Variants in PKD1L3 observed in about 807,000 individuals in gnomAD.
The protein encoded by PKD1L3 is polycystin-1-like protein 3.
A neutral mutation model predicts 184.1 loss-of-function variants in PKD1L3; 239 were observed. That is an observed-to-expected ratio of 1.30 (90% CI 1.17 to 1.45). The LOEUF (loss-of-function observed/expected upper bound fraction) is 1.45, where lower values mean the gene tolerates loss of function less well. Among genes scored for constraint, PKD1L3 ranks in the 40% most tolerant of loss-of-function variants. The probability of loss-of-function intolerance (pLI) is 0.00; values close to 1 mark genes in which losing one functional copy is unlikely to be tolerated. For missense variants in PKD1L3, 2,660 were observed against 2,067.2 expected (o/e 1.29, Z -5.56); for synonymous variants, 996 against 778.8 (o/e 1.28, Z -4.64).
At chr16:71,991,153 ACAGACC>A (rs1229456555) in intron 3 of PKD1L3, 2 of 181,720 alleles carry the variant, frequency 1.1e-5, no homozygotes, top group Non-Finnish European at 2.4e-5. Context: ...GCAGTTCCTT[ACAGACC>A]CAGCATGCCT....
intron 26 of PKD1L3, among the ~76,000 whole-genome samples, 171 bp downstream of exon 26, chr16:71,935,187 T>C (rs2038130790): frequency 6.6e-6 from 1 of 152,270 alleles, no homozygotes; most frequent in African/African-American, 2.4e-5. Flanking sequence ...AGCAGTTAAA[T>C]GGCTTCTAGT....
At chr16:71,999,396 A>T (rs1215816622) in intron 1 of PKD1L3, among the ~76,000 whole-genome samples, 1 of 152,356 alleles carries the variant, frequency 6.6e-6, no homozygotes, top group East Asian at 1.9e-4. Flanking sequence ...TAGGAAAAAA[A>T]TGACCATCAA....
At position 71,949,907 on chromosome 16, in the gene PKD1L3, C is replaced by G; in HGVS notation, c.3494G>C (p.Ser1165Thr). 2 of 1,551,686 alleles carry G rather than the reference C, an allele frequency of 1.3e-6. No homozygotes were observed. The highest frequency in any genetic ancestry group is 1.7e-6 in the Non-Finnish European group (2 of 1,147,000). The change falls in exon 21 of 30, where the codon AGC becomes ACC. Residue 1165 changes from serine to threonine, a missense_variant. By Grantham distance (58) the Ser-to-Thr change is moderately conservative. Coordinates refer to ENST00000620267, the MANE Select transcript of PKD1L3 (RefSeq NM_181536.2). ...SVCWLLLGFTSLASAFFTALY... is the reference protein window; with the variant it reads ...SVCWLLLGFTTLASAFFTALY... The stretch of plus-strand genomic sequence containing the variant: ...TGCTGTAAAAAAGGCTGAAGCCAGG[C>G]TAGTGAAACCTAAGAGGAGCCAGCA...
At position 71,942,527 on chromosome 16, in the gene PKD1L3, G is replaced by A. The variant is rs756819965; in HGVS notation, c.4324+33C>T. 4.7e-5 allele frequency: 71 copies of A among 1,502,886 alleles called. No homozygotes were observed. The Middle Eastern group carries it at 5.4e-4, about 11-fold the overall frequency. The allele number at this position is 1,502,886 out of a possible 1,614,324, so 93.1% of individuals were successfully genotyped here. A position where few individuals can be genotyped will look rare whatever the true frequency, so the allele number is the denominator to read the frequency against. On this transcript the variant is annotated intron_variant, in intron 24 of 29. Coordinates refer to ENST00000620267, the MANE Select transcript of PKD1L3 (RefSeq NM_181536.2). ...CTTATTGAACAGCCTTCTTTGCTAC[G>A]TGTGGTTGAATTCCAGGGGTCACTC...
At position 71,943,061 on chromosome 16, in the gene PKD1L3, G is replaced by A. The variant is rs1780773757; in HGVS notation, c.3860-37C>T. 2.8e-6 allele frequency: 4 copies of A among 1,443,192 alleles called. No individual in the cohort carries two copies. In the Admixed American group the frequency reaches 6.4e-5, roughly 23 times the overall value. The allele number at this position is 1,443,192 out of a possible 1,614,324, so 89.4% of individuals were successfully genotyped here. Reference sequence around the variant, plus strand: ...GAGGAAAAAAATGTCATAGTTGAGTGGTTAACTTAGAAATCCTCTATGTCT... The same window carrying A: ...GAGGAAAAAAATGTCATAGTTGAGTAGTTAACTTAGAAATCCTCTATGTCT... On this transcript the variant is annotated intron_variant, in intron 23 of 29. Transcript: ENST00000620267.
At chr16:71,981,872 G>A (rs945103796) in intron 7 of PKD1L3, among the ~76,000 whole-genome samples, 187 bp downstream of exon 7, 3 of 152,106 alleles carry the variant, frequency 2.0e-5, no homozygotes, top group Admixed American at 1.3e-4. Flanking sequence ...TACAGCACTA[G>A]GGAGTCTTGG....
At chr16:71,978,184 G>A in intron 10 of PKD1L3, 71 bp downstream of exon 10, 1 of 1,469,772 alleles carries the variant, frequency 6.8e-7, no homozygotes, top group Non-Finnish European at 9.2e-7. Context: ...CCTTTAAGTT[G>A]TTGCATCCTT....
At chr16:71,940,355 T>A (rs2038319192) in intron 24 of PKD1L3, among the ~76,000 whole-genome samples, 1 of 152,108 alleles carries the variant, frequency 6.6e-6, no homozygotes, top group African/African-American at 2.4e-5. Context: ...CCAGATCCCT[T>A]CCCTCAACTT....
At chr16:71,962,194 G>T (rs2143520716) in intron 16 of PKD1L3, among the ~76,000 whole-genome samples, 1 of 152,198 alleles carries the variant, frequency 6.6e-6, no homozygotes, top group East Asian at 1.9e-4. Context: ...AAAGTGCTGG[G>T]ATTACAGGTG....
intron 16 of PKD1L3, among the ~76,000 whole-genome samples, chr16:71,957,483 T>C (rs1292412168): frequency 1.3e-5 from 2 of 152,076 alleles, no homozygotes; most frequent in Non-Finnish European, 2.9e-5. Context: ...AATTTAGATA[T>C]GAAGACACAA....
At chr16:71,984,190 C>A in intron 5 of PKD1L3, 23 bp from the exon 6 acceptor site, 2 of 1,548,326 alleles carry the variant, frequency 1.3e-6, no homozygotes, top group South Asian at 2.4e-5. Flanking sequence ...AAGAAGTTGT[C>A]AAAATTACTC....
chr16:71,967,949 T>A lies in PKD1L3; in HGVS notation c.2243A>T (p.Gln748Leu). Residue 748 changes from glutamine to leucine, a missense_variant, in exon 14 of 30, where the codon CAG (glutamine) becomes CTG (leucine). Physicochemically the swap from Gln to Leu is moderately radical, Grantham distance 113. Transcript: ENST00000620267. ...DPSAQFHYLI[Q>L]VYTGYRRSAA... ...GCTTCTTCGATATCCGGTGTAGACC[T>A]GAATAAGGTAGTGAAATTGAGCGCT... The A allele has an allele frequency of 1.3e-6, 2 of 1,551,656 alleles. No individual in the cohort carries two copies. Among genetic ancestry groups the A allele is most frequent in the Non-Finnish European group, 1.7e-6 (2 of 1,146,920 alleles).
At chr16:71,934,155 G>C in intron 26 of PKD1L3, 30 bp from the exon 27 acceptor site, 1 of 1,548,432 alleles carries the variant, frequency 6.5e-7, no homozygotes, top group Non-Finnish European at 8.7e-7. Context: ...CAGTTACTCA[G>C]CAAGAAGTAT....
intron 12 of PKD1L3, among the ~76,000 whole-genome samples, chr16:71,972,818 G>T (rs1269341450): frequency 1.3e-5 from 2 of 152,124 alleles, no homozygotes; most frequent in Non-Finnish European, 2.9e-5. Flanking sequence ...CTTTCATCAG[G>T]CAGGATCTCA....
rs558113686 is a variant in PKD1L3, at chr16:71,975,953, T to C, written c.1759+1283A>G. ...GGATGAGAGGTATACAAGCTGTTTC[T>C]GTTCTTTTTTTTTTTTTTGAGGCAG... On this transcript the variant is annotated intron_variant, in intron 11 of 29. Transcript: ENST00000620267. Among the ~76,000 whole-genome samples the C allele has an allele frequency of 1.0e-4, 7 of 66,858 alleles. No homozygotes were observed. In the East Asian group the frequency reaches 1.2e-3, roughly 11 times the overall value. 43.9% of individuals were successfully genotyped at this position (66,858 alleles called of 152,430 possible). A position where few individuals can be genotyped will look rare whatever the true frequency, so the allele number is the denominator to read the frequency against.
chr16:71,953,360 G>A (rs1178163704), intron 17 of PKD1L3, among the ~76,000 whole-genome samples: 2 of 152,140 alleles, frequency 1.3e-5, no homozygotes, highest in African/African-American at 4.8e-5. Flanking sequence ...TTTTCACACT[G>A]CTATAAAGAA....
At chr16:71,951,785 A>C in intron 18 of PKD1L3, 41 bp from the exon 19 acceptor site, 1 of 1,514,188 alleles carries the variant, frequency 6.6e-7, no homozygotes, top group Non-Finnish European at 8.9e-7. Context: ...CCTGTTTTTC[A>C]TTAACCCAGG....
chr16:71,994,549 T>C (rs1461541176), intron 2 of PKD1L3, among the ~76,000 whole-genome samples: 2 of 152,160 alleles, frequency 1.3e-5, no homozygotes, highest in Admixed American at 6.6e-5. Flanking sequence ...CTATTTCTTC[T>C]GCCTTAAAAA....
In PKD1L3 at chr16:72,000,103, G is replaced by T; in HGVS notation, c.-125C>A. 2 of 833,114 alleles carry T rather than the reference G, an allele frequency of 2.4e-6. No individual in the cohort carries two copies. Among genetic ancestry groups the T allele is most frequent in the East Asian group, 3.0e-5 (1 of 33,810 alleles). The allele number at this position is 833,114 out of a possible 1,614,324, so 51.6% of individuals were successfully genotyped here. On this transcript the variant is annotated 5_prime_UTR_variant, in exon 1 of 30. Transcript: ENST00000620267. Reference sequence around the variant, plus strand: ...TATGAATTGGGAACAATTTACCAAGGATACAAAAGGTTTTGTTTTGAGGAC... The same window carrying T: ...TATGAATTGGGAACAATTTACCAAGTATACAAAAGGTTTTGTTTTGAGGAC...
Sources: gnomAD v4.1 joint callset for allele counts (sites outside exome capture counted in the v4.1 genomes callset) on GRCh38, gnomAD v4.1.1 for gene constraint, MANE v1.5 for transcripts, NCBI Gene and HGNC (gene_info 2026-07-23, HGNC 2026-07-21) for gene names.